Variants in GTF2F2 observed in about 807,000 individuals in gnomAD.
GTF2F2 encodes general transcription factor IIF subunit 2.
A neutral mutation model predicts 42.2 loss-of-function variants in GTF2F2; 23 were observed. That is an observed-to-expected ratio of 0.55 (90% CI 0.39 to 0.77). The LOEUF (loss-of-function observed/expected upper bound fraction) is 0.77. Ranked by LOEUF, GTF2F2 falls within the 30% of genes least tolerant of loss-of-function variation. GTF2F2 has a pLI of 0.00. For synonymous variants in GTF2F2, 105 were observed against 100.8 expected (o/e 1.04, Z -0.25); for missense variants, 261 against 287.2 (o/e 0.91, Z 0.66).
intron 6 of GTF2F2, among the ~76,000 whole-genome samples, chr13:45,259,605 T>C (rs1876246132): frequency 6.6e-6 from 1 of 150,990 alleles, no homozygotes; most frequent in Admixed American, 6.6e-5. Context: ...GGGTGTTCAG[T>C]AATGGTACTT....
At chr13:45,127,098 T>G (rs1869048342) in intron 1 of GTF2F2, among the ~76,000 whole-genome samples, 1 of 152,224 alleles carries the variant, frequency 6.6e-6, no homozygotes. Flanking sequence ...GGCCGGGACT[T>G]CTGGGAAGCC....
chr13:45,256,663 A>G (rs1433742323), intron 6 of GTF2F2, among the ~76,000 whole-genome samples: 1 of 152,190 alleles, frequency 6.6e-6, no homozygotes, highest in East Asian at 1.9e-4. Context: ...TTGTAGTGTA[A>G]TACCAACTAT....
At chr13:45,131,994 C>G (rs1414555589) in intron 1 of GTF2F2, among the ~76,000 whole-genome samples, 1 of 151,422 alleles carries the variant, frequency 6.6e-6, no homozygotes, top group East Asian at 1.9e-4. Flanking sequence ...TTCCAAGGTG[C>G]ATGCTCTTGA....
At chr13:45,121,380 C>T (rs1028286383) in intron 1 of GTF2F2, among the ~76,000 whole-genome samples, 3 of 152,174 alleles carry the variant, frequency 2.0e-5, no homozygotes, top group African/African-American at 7.2e-5. Context: ...GTGTTTTCTC[C>T]TAGGGGAGTT....
At chr13:45,218,040 G>C (rs1873961892) in intron 5 of GTF2F2, among the ~76,000 whole-genome samples, 1 of 152,172 alleles carries the variant, frequency 6.6e-6, no homozygotes, top group Non-Finnish European at 1.5e-5. Flanking sequence ...AATTTGAGTA[G>C]GCAGATTTTT....
intron 5 of GTF2F2, among the ~76,000 whole-genome samples, chr13:45,247,558 A>G (rs979541705): frequency 1.3e-5 from 2 of 151,114 alleles, no homozygotes; most frequent in African/African-American, 4.9e-5. Flanking sequence ...ACACCCAGCT[A>G]ATTTTTTGTA....
intron 1 of GTF2F2, among the ~76,000 whole-genome samples, chr13:45,134,704 T>C (rs1037320606): frequency 1.3e-5 from 2 of 152,196 alleles, no homozygotes; most frequent in African/African-American, 2.4e-5. Context: ...CCCTTAGATC[T>C]ATTACATACT....
At chr13:45,126,571 T>C (rs1404180268) in intron 1 of GTF2F2, among the ~76,000 whole-genome samples, 2 of 152,344 alleles carry the variant, frequency 1.3e-5, no homozygotes, top group East Asian at 1.9e-4. Flanking sequence ...TTTCTTATGC[T>C]GCCCAGTTTG....
At chr13:45,283,385 A>G in intron 7 of GTF2F2, 57 bp from the exon 8 acceptor site, 1 of 1,480,564 alleles carries the variant, frequency 6.8e-7, no homozygotes. Flanking sequence ...ATCTTATTTT[A>G]AGTTTTGTCC....
chr13:45,133,597 C>T (rs1005386265), intron 1 of GTF2F2, among the ~76,000 whole-genome samples: 5 of 152,126 alleles, frequency 3.3e-5, no homozygotes, highest in Admixed American at 6.5e-5. Flanking sequence ...GGTCATAAAC[C>T]ATCTGAGCAG....
chr13:45,148,063 G>A (rs1870293413), intron 2 of GTF2F2, among the ~76,000 whole-genome samples: 1 of 152,184 alleles, frequency 6.6e-6, no homozygotes, highest in African/African-American at 2.4e-5. Flanking sequence ...ACTGTACCAT[G>A]TACGTAGCAC....
intron 4 of GTF2F2, among the ~76,000 whole-genome samples, chr13:45,165,691 A>T: frequency 6.6e-6 from 1 of 151,800 alleles, no homozygotes; most frequent in East Asian, 1.9e-4. Flanking sequence ...AAGATGGCAA[A>T]TAGTCATTCT....
chr13:45,240,700 C>T (rs770985527), intron 5 of GTF2F2, among the ~76,000 whole-genome samples: 3 of 151,688 alleles, frequency 2.0e-5, no homozygotes, highest in Admixed American at 6.6e-5. Context: ...TGGTGGTGGG[C>T]GCCTGTAATC....
intron 5 of GTF2F2, among the ~76,000 whole-genome samples, chr13:45,241,660 G>A (rs1479069097): frequency 6.6e-6 from 1 of 152,190 alleles, no homozygotes; most frequent in Non-Finnish European, 1.5e-5. Flanking sequence ...AGAGTGAAAA[G>A]CAAGCCTTAA....
intron 4 of GTF2F2, among the ~76,000 whole-genome samples, chr13:45,176,575 C>T (rs1163716848): frequency 6.6e-6 from 1 of 151,970 alleles, no homozygotes; most frequent in East Asian, 1.9e-4. Flanking sequence ...CAGTGGCTTG[C>T]CTTTTTACTC....
intron 4 of GTF2F2, among the ~76,000 whole-genome samples, chr13:45,161,240 A>C (rs1462024441): frequency 6.6e-6 from 1 of 152,182 alleles, no homozygotes; most frequent in African/African-American, 2.4e-5. Context: ...TTGCTTTTGC[A>C]CTATTGGCAA....
At chr13:45,161,556 C>T (rs975257308) in intron 4 of GTF2F2, among the ~76,000 whole-genome samples, 24 of 152,122 alleles carry the variant, frequency 1.6e-4, no homozygotes, top group African/African-American at 5.8e-4. Context: ...TTTAAGAATA[C>T]AGGGGCCGGG....
chr13:45,190,862 C>T (rs992560019), intron 4 of GTF2F2, among the ~76,000 whole-genome samples: 4 of 150,774 alleles, frequency 2.7e-5, no homozygotes, highest in East Asian at 3.9e-4. Flanking sequence ...GCGATCCTCT[C>T]GCCTCAGCCT....
chr13:45,141,695 GT>G (rs199781021), intron 2 of GTF2F2, among the ~76,000 whole-genome samples: 2 of 151,654 alleles, frequency 1.3e-5, no homozygotes, highest in African/African-American at 2.4e-5. Context: ...CTACTTTCTT[GT>G]TTTTTTTCCT....
Sources: gnomAD v4.1 joint callset for allele counts (sites outside exome capture counted in the v4.1 genomes callset) on GRCh38, gnomAD v4.1.1 for gene constraint, MANE v1.5 for transcripts, NCBI Gene and HGNC (gene_info 2026-07-23, HGNC 2026-07-21) for gene names.